Variants in SLC1A6 observed in about 807,000 individuals in gnomAD.
SLC1A6 encodes excitatory amino acid transporter 4.
In SLC1A6, 15 loss-of-function variants were observed where a neutral mutation model predicts 42.1. That is an observed-to-expected ratio of 0.36 (90% CI 0.24 to 0.55). SLC1A6 has a LOEUF of 0.55. Among genes scored for constraint, SLC1A6 ranks in the 20% least tolerant of loss-of-function variants. The pLI is 0.88. For synonymous variants in SLC1A6, 317 were observed against 319.7 expected, an observed-to-expected ratio of 0.99 and a Z score of 0.09; for missense variants, 542 against 772.5, an observed-to-expected ratio of 0.70 and a Z score of 3.54.
chr19:14,962,901 C>CA (rs1019536494), intron 5 of SLC1A6, among the ~76,000 whole-genome samples: 3 of 151,068 alleles, frequency 2.0e-5, no homozygotes, highest in Non-Finnish European at 4.4e-5. Flanking sequence ...GACTCCATCT[C>CA]AAAAAAACAA....
chr19:15,002,914 G>A (rs868250773), intron 1 of SLC1A6, among the ~76,000 whole-genome samples: 33 of 146,744 alleles, frequency 2.2e-4, no homozygotes, highest in African/African-American at 7.8e-4. Flanking sequence ...TTGTTTGTTT[G>A]TTTGTTTTCG....
At chr19:15,009,131 G>A (rs1278362308) in intron 1 of SLC1A6, among the ~76,000 whole-genome samples, 2 of 109,050 alleles carry the variant, frequency 1.8e-5, no homozygotes, top group Non-Finnish European at 3.6e-5. Flanking sequence ...TATCTAGATA[G>A]CATATATATA....
Position 14,975,962 on chromosome 19 carries a change from C to G in SLC1A6, c.-7-3045G>C, listed in dbSNP as rs555576250. ...TGTGGGTCCCTAAAAGCACTGTGTG[C>G]TATAGGTACTATACCTCCTAACCTA... On this transcript the variant is annotated intron_variant, in intron 1 of 9. Coordinates refer to ENST00000594383, the MANE Select transcript of SLC1A6 (RefSeq NM_005071.3). Among the ~76,000 whole-genome samples the G allele has an allele frequency of 3.9e-4, 60 of 151,964 alleles. 3 individuals carry two copies. The South Asian group carries it at 0.011, about 29-fold the overall frequency.
chr19:15,003,927 G>A (rs1035670754), intron 1 of SLC1A6, among the ~76,000 whole-genome samples: 5 of 152,142 alleles, frequency 3.3e-5, no homozygotes, highest in African/African-American at 9.7e-5. Context: ...AGGCCAAGCC[G>A]GGTGGATTGC....
rs193081657 is a variant in SLC1A6, at chr19:14,964,235, C to T, written c.591+84G>A. On this transcript the variant is annotated intron_variant, in intron 5 of 9. Coordinates refer to ENST00000594383, the MANE Select transcript of SLC1A6 (RefSeq NM_005071.3). ...TGCTCTGTCAGGCCCTTCCTCCCGC[C>T]TCTTGCCCTTGGACCATCCCTTCAG... The T allele has an allele frequency of 4.9e-5, 57 of 1,160,566 alleles. No individual in the cohort carries two copies. In the African/African-American group the frequency reaches 5.7e-4, roughly 12 times the overall value. The allele number at this position is 1,160,566 out of a possible 1,614,324, so 71.9% of individuals were successfully genotyped here. A position where few individuals can be genotyped will look rare whatever the true frequency, so the allele number is the denominator to read the frequency against.
intron 1 of SLC1A6, among the ~76,000 whole-genome samples, chr19:14,990,184 C>G (rs1340310115): frequency 6.6e-6 from 1 of 151,972 alleles, no homozygotes; most frequent in Non-Finnish European, 1.5e-5. Flanking sequence ...TAAGTGTCCA[C>G]CGAGAAATGG....
intron 1 of SLC1A6, among the ~76,000 whole-genome samples, chr19:15,008,409 A>C (rs898334327): frequency 6.6e-6 from 1 of 151,900 alleles, no homozygotes; most frequent in Non-Finnish European, 1.5e-5. Context: ...AGAAAAAAAA[A>C]CAGAGGTTGG....
intron 7 of SLC1A6, among the ~76,000 whole-genome samples, chr19:14,954,548 A>C (rs993683378): frequency 6.6e-6 from 1 of 151,616 alleles, no homozygotes; most frequent in Non-Finnish European, 1.5e-5. Flanking sequence ...CGGGGCTCAG[A>C]GCAGGACGTG....
At chr19:15,005,015 T>C (rs2045889395) in intron 1 of SLC1A6, among the ~76,000 whole-genome samples, 1 of 152,138 alleles carries the variant, frequency 6.6e-6, no homozygotes, top group African/African-American at 2.4e-5. Context: ...CCCCAGAGCT[T>C]TGGTAGGCCA....
chr19:14,983,749 A>C (rs1021688724), upstream of SLC1A6, among the ~76,000 whole-genome samples: 10 of 149,686 alleles, frequency 6.7e-5, no homozygotes, highest in African/African-American at 2.4e-4. Flanking sequence ...AAAAGGCTGT[A>C]AGGCTGTAAG....
At chr19:14,952,780 G>T (rs1599977499) in intron 9 of SLC1A6, 148 bp downstream of exon 9, 1 of 902,962 alleles carries the variant, frequency 1.1e-6, no homozygotes, top group African/African-American at 1.7e-5. Context: ...GCCATGGATT[G>T]GAGGCCTCTC....
At chr19:15,006,003 T>A (rs369315581) in intron 1 of SLC1A6, among the ~76,000 whole-genome samples, 4 of 152,196 alleles carry the variant, frequency 2.6e-5, no homozygotes, top group African/African-American at 7.2e-5. Flanking sequence ...CAAAGGTAGA[T>A]GGTTGTGTGC....
At chr19:14,971,711 G>A in intron 3 of SLC1A6, 26 bp downstream of exon 3, 1 of 1,612,462 alleles carries the variant, frequency 6.2e-7, no homozygotes, top group African/African-American at 1.3e-5. Flanking sequence ...GGTCTTGGAG[G>A]CCAACACTGG....
intron 1 of SLC1A6, among the ~76,000 whole-genome samples, chr19:14,986,950 C>T (rs1395984796): frequency 6.6e-6 from 1 of 152,136 alleles, no homozygotes; most frequent in Non-Finnish European, 1.5e-5. Flanking sequence ...GGTGCTGCTG[C>T]GTTGATTCAC....
rs1394892370 is a variant in SLC1A6 at position 14,972,834 on chromosome 19, A to G, written c.77T>C (p.Leu26Pro). ...RLGRVGWLQRLQESLQQRALR... is the reference protein window; with the variant it reads ...RLGRVGWLQRPQESLQQRALR... ...TGCTCTCTGCTGCAGGCTTTCCTGCAGCCGCTGCAGCCAGCCCACCCGGCC... is the reference window on the plus strand; with the variant it reads ...TGCTCTCTGCTGCAGGCTTTCCTGCGGCCGCTGCAGCCAGCCCACCCGGCC... The change falls in exon 2 of 10, where the codon CTG becomes CCG. Residue 26 changes from leucine (L) to proline (P), a missense_variant. Physicochemically the swap from Leu to Pro is moderately conservative, Grantham distance 98. This residue lies in a region of SLC1A6 where 88 missense variants were observed against 85.5 expected (regional missense o/e 1.03). Transcript: ENST00000594383. The G allele has an allele frequency of 1.2e-6, 2 of 1,604,576 alleles. No homozygotes were observed. Among genetic ancestry groups the G allele is most frequent in the Admixed American group, 1.7e-5 (1 of 58,484 alleles).
chr19:14,962,330 T>G lies in SLC1A6; in HGVS notation c.607A>C (p.Ser203Arg). The change falls in exon 6 of 10, where the codon AGC (serine) becomes CGC (arginine). Residue 203 changes from serine (S) to arginine (R), a missense_variant. By Grantham distance (110) the Ser-to-Arg change is moderately radical. Around this residue, in one of 6 missense-constraint regions of SLC1A6, gnomAD observed 298 missense variants for 419.4 expected, o/e 0.71. Transcript: ENST00000594383. ...ATGGTCCTGGTTACCACCCTCGTGCTGTACTGCGTCTTGAACTGAAATAGA... is the reference window on the plus strand; with the variant it reads ...ATGGTCCTGGTTACCACCCTCGTGCGGTACTGCGTCTTGAACTGAAATAGA... Reference protein sequence around the residue: ...ACFKQFKTQYSTRVVTRTMVR... With the variant: ...ACFKQFKTQYRTRVVTRTMVR... 4 of 1,613,252 alleles carry G rather than the reference T, an allele frequency of 2.5e-6. No individual in the cohort carries two copies. Among genetic ancestry groups the G allele is most frequent in the Non-Finnish European group, 3.4e-6 (4 of 1,179,284 alleles).
At chr19:14,968,042 T>C (rs1241552054) in intron 4 of SLC1A6, among the ~76,000 whole-genome samples, 1 of 152,178 alleles carries the variant, frequency 6.6e-6, no homozygotes, top group Non-Finnish European at 1.5e-5. Flanking sequence ...CATGCAACTT[T>C]CTTCAATATG....
chr19:14,972,437 G>GTA (rs2045651719), intron 2 of SLC1A6, among the ~76,000 whole-genome samples: 1 of 151,938 alleles, frequency 6.6e-6, no homozygotes, highest in South Asian at 2.1e-4. Flanking sequence ...ATAGTAAAGT[G>GTA]TTTGTACATT....
At chr19:14,967,831 G>C (rs1479677255) in intron 4 of SLC1A6, among the ~76,000 whole-genome samples, 1 of 152,158 alleles carries the variant, frequency 6.6e-6, no homozygotes, top group Non-Finnish European at 1.5e-5. Context: ...GCTTTGATTG[G>C]ACAAGAGACT....
Sources: gnomAD v4.1 joint callset for allele counts (sites outside exome capture counted in the v4.1 genomes callset) on GRCh38, gnomAD v4.1.1 for gene constraint, gnomAD v4.1.1 regional missense constraint, MANE v1.5 for transcripts, NCBI Gene and HGNC (gene_info 2026-07-23, HGNC 2026-07-21) for gene names.